Variants in PLS1 observed in about 807,000 individuals in gnomAD.
PLS1 encodes plastin 1.
A neutral mutation model predicts 73.7 loss-of-function variants in PLS1; 32 were observed. That is an observed-to-expected ratio of 0.43 (90% confidence interval 0.33 to 0.58). The LOEUF (loss-of-function observed/expected upper bound fraction) is 0.58, where lower values mean the gene tolerates loss of function less well. Among genes scored for constraint, PLS1 ranks in the 20% least tolerant of loss-of-function variants. PLS1 has a pLI of 0.04. For synonymous variants in PLS1, 217 were observed against 261.3 expected (o/e 0.83, Z 1.63); for missense variants, 633 against 740.5 (o/e 0.85, Z 1.68).
chr3:142,601,503 G>A (rs1300326960), intron 1 of PLS1, among the ~76,000 whole-genome samples: 2 of 151,960 alleles, frequency 1.3e-5, no homozygotes, highest in Non-Finnish European at 2.9e-5. Context: ...CATCCTGTGA[G>A]ATAGGTGCAA....
chr3:142,615,131 C>T (rs1045241478), intron 1 of PLS1, among the ~76,000 whole-genome samples: 1 of 152,092 alleles, frequency 6.6e-6, no homozygotes, highest in African/African-American at 2.4e-5. Context: ...TGAAGAATAG[C>T]CCCAGGTCTT....
intron 1 of PLS1, among the ~76,000 whole-genome samples, chr3:142,632,068 A>G (rs191543256): frequency 5.9e-5 from 9 of 152,328 alleles, no homozygotes; most frequent in African/African-American, 2.2e-4. Flanking sequence ...GGAGTAGATG[A>G]CATTCCAAAG....
intron 14 of PLS1, 35 bp downstream of exon 14, chr3:142,704,621 A>G (rs776156647): frequency 3.7e-6 from 2 of 538,062 alleles, no homozygotes; most frequent in Non-Finnish European, 5.8e-6. Flanking sequence ...TTTTTTTTGT[A>G]GGTATAGGAA....
chr3:142,666,022 CAG>C (rs1197767267), intron 2 of PLS1, among the ~76,000 whole-genome samples: 2 of 152,130 alleles, frequency 1.3e-5, no homozygotes, highest in Non-Finnish European at 2.9e-5. Flanking sequence ...TCTGTGAACT[CAG>C]AAACCTCTCT....
Position 142,670,983 on chromosome 3 carries a change from T to A in PLS1, c.235-10T>A. 1 of 1,569,580 alleles carries A rather than the reference T, an allele frequency of 6.4e-7. No homozygotes were observed. The highest frequency in any genetic ancestry group is 1.1e-5 in the South Asian group (1 of 88,248). ...ATCTGATTCTCAATTTTACTTATGT[T>A]CCATTCCAGCTAATGCAAGAATTAA... On this transcript the variant is annotated splice_polypyrimidine_tract_variant and intron_variant, in intron 3 of 15. Transcript: ENST00000457734.
chr3:142,625,798 AC>A (rs2036414038), intron 1 of PLS1, among the ~76,000 whole-genome samples: 1 of 151,844 alleles, frequency 6.6e-6, no homozygotes. Context: ...ACATGGCAAA[AC>A]CCCGTCTCTA....
At chr3:142,616,580 G>A (rs2108554734) in intron 1 of PLS1, among the ~76,000 whole-genome samples, 1 of 152,146 alleles carries the variant, frequency 6.6e-6, no homozygotes, top group South Asian at 2.1e-4. Context: ...ATGTTGAATT[G>A]TGTGTGTTGT....
At chr3:142,705,696 C>T (rs1314453439) in intron 14 of PLS1, among the ~76,000 whole-genome samples, 1 of 152,190 alleles carries the variant, frequency 6.6e-6, no homozygotes, top group Non-Finnish European at 1.5e-5. Context: ...CTCTCTTTGC[C>T]TTCGCTCTAT....
intron 4 of PLS1, chr3:142,673,959 G>A (rs1489985025): frequency 6.6e-6 from 1 of 152,174 alleles, no homozygotes; most frequent in Admixed American, 6.5e-5. Flanking sequence ...TAGTGGTTGT[G>A]ATGTGGTATC....
At chr3:142,602,601 C>T (rs577828995) in intron 1 of PLS1, among the ~76,000 whole-genome samples, 45 of 151,528 alleles carry the variant, frequency 3.0e-4, no homozygotes, top group African/African-American at 9.7e-4. Context: ...ATTTAAAGGC[C>T]CCCCCCACCC....
At chr3:142,703,342 C>A (rs1475896181) in intron 12 of PLS1, among the ~76,000 whole-genome samples, 2 of 136,146 alleles carry the variant, frequency 1.5e-5, no homozygotes, top group African/African-American at 2.7e-5. Flanking sequence ...GTTGCCCAGG[C>A]TAGAGGGCAA....
intron 1 of PLS1, among the ~76,000 whole-genome samples, chr3:142,660,315 G>GT (rs1344570884): frequency 2.6e-5 from 4 of 151,976 alleles, no homozygotes; most frequent in Admixed American, 6.6e-5. Flanking sequence ...ATCTTGTTTT[G>GT]TTTTTTTGAG....
At chr3:142,677,372 G>A (rs937144348) in intron 5 of PLS1, among the ~76,000 whole-genome samples, 28 of 152,152 alleles carry the variant, frequency 1.8e-4, no homozygotes, top group African/African-American at 5.3e-4. Flanking sequence ...ATGACTGGGC[G>A]TGGTGGCTCA....
At chr3:142,671,230 T>C in intron 4 of PLS1, 108 bp downstream of exon 4, 1 of 976,682 alleles carries the variant, frequency 1.0e-6, no homozygotes. Context: ...CGTTATTTTA[T>C]GTGCCACTGA....
chr3:142,706,552 G>C (rs2038466680), intron 14 of PLS1, among the ~76,000 whole-genome samples: 1 of 152,126 alleles, frequency 6.6e-6, no homozygotes, highest in Non-Finnish European at 1.5e-5. Context: ...CTAAATAAAG[G>C]ATATTGAGTA....
chr3:142,689,749 G>C lies in PLS1; in HGVS notation c.1113G>C (p.Leu371Phe). The change falls in exon 10 of 16, where the codon TTG becomes TTC. Residue 371 changes from leucine to phenylalanine, a missense_variant. Transcript: ENST00000457734. ...TTAATTTAGCTTTTGTAGCTAATTT[G>C]TTTAACACATACCCGTGCCTGCACA... is the stretch of plus-strand genomic sequence containing the variant. ...PKLNLAFVAN[L>F]FNTYPCLHKP... 6.2e-7 allele frequency: 1 copy of C among 1,610,822 alleles called. No homozygotes were observed. The highest frequency in any genetic ancestry group is 8.5e-7 in the Non-Finnish European group (1 of 1,178,130).
At chr3:142,683,896 T>C (rs1223094511) in intron 6 of PLS1, 110 bp from the exon 7 acceptor site, 22 of 713,436 alleles carry the variant, frequency 3.1e-5, no homozygotes, top group Non-Finnish European at 5.0e-5. Context: ...GTATAAATAT[T>C]ATGTTTATAA....
intron 1 of PLS1, among the ~76,000 whole-genome samples, chr3:142,634,671 A>C (rs2036638886): frequency 6.6e-6 from 1 of 152,202 alleles, no homozygotes; most frequent in South Asian, 2.1e-4. Context: ...GATGAAATTA[A>C]GGACTTTTTA....
rs983343678 is a variant in PLS1, at chr3:142,677,975, A to G, written c.498-57A>G. 3 of 805,462 alleles carry G rather than the reference A, an allele frequency of 3.7e-6. No individual in the cohort carries two copies. In the African/African-American group the frequency reaches 5.5e-5, roughly 15 times the overall value. 49.9% of individuals were successfully genotyped at this position (805,462 alleles called of 1,614,324 possible). On this transcript the variant is annotated intron_variant, in intron 5 of 15. Transcript: ENST00000457734. ...TTATCTATTTTGGCTGTTTGCAATA[A>G]TAAACTAAAAAAATTTCTTGGAGTA...
Sources: allele counts gnomAD v4.1 joint callset (sites outside exome capture counted in the v4.1 genomes callset), GRCh38; gene constraint gnomAD v4.1.1; transcripts MANE v1.5; gene names NCBI Gene and HGNC (gene_info 2026-07-23, HGNC 2026-07-21).